Variants in GTF2H5 observed in about 807,000 individuals in gnomAD.
The protein encoded by GTF2H5 is general transcription factor IIH subunit 5.
Under a neutral mutation model 7.1 loss-of-function variants are expected in GTF2H5, and 5 were observed. The observed-to-expected ratio is 0.71, with a 90% confidence interval of 0.37 to 1.49. GTF2H5 has a LOEUF of 1.49. GTF2H5 is among the 40% of genes most tolerant of loss of function. GTF2H5 has a pLI of 0.03. For synonymous variants in GTF2H5, 30 were observed against 31.7 expected (o/e 0.95, Z 0.18); for missense variants, 80 against 83.0 (o/e 0.96, Z 0.14).
chr6:158,172,019 G>A (rs1455341135), intron 2 of GTF2H5, among the ~76,000 whole-genome samples: 2 of 150,446 alleles, frequency 1.3e-5, no homozygotes, highest in Non-Finnish European at 2.9e-5. Context: ...TAAATACAGA[G>A]GATACACATA....
Position 158,198,750 on chromosome 6 carries a change from C to CAGA in GTF2H5, c.*6593_*6594insAGA, listed in dbSNP as rs1267066385. 1.3e-5 allele frequency: 2 copies of CAGA among 152,206 alleles called. No individual in the cohort carries two copies. 9.4% of individuals were successfully genotyped at this position (152,206 alleles called of 1,614,324 possible). ...ACTCTTTCTGTTTAGATTGCAGGAG[C>CAGA]GTTCTCTCGGCTCATCTCTTGTTTT... On this transcript the variant is annotated 3_prime_UTR_variant, in exon 3 of 3. Coordinates refer to ENST00000607778, the MANE Select transcript of GTF2H5 (RefSeq NM_207118.3).
At chr6:158,182,672 A>G (rs754634635) in intron 2 of GTF2H5, among the ~76,000 whole-genome samples, 3 of 151,752 alleles carry the variant, frequency 2.0e-5, no homozygotes, top group Non-Finnish European at 4.4e-5. Context: ...CAAATCGGCT[A>G]TTGAAGCTTG....
chr6:158,169,772 A>ATATTGTATATT (rs1187068824), intron 1 of GTF2H5, among the ~76,000 whole-genome samples: 1 of 53,954 alleles, frequency 1.9e-5, no homozygotes, highest in African/African-American at 9.2e-5. Flanking sequence ...TATTATATAT[A>ATATTGTATATT]ATATATTGTA....
intron 2 of GTF2H5, among the ~76,000 whole-genome samples, chr6:158,187,010 A>G (rs547413607): frequency 7.3e-5 from 11 of 151,490 alleles, no homozygotes; most frequent in Admixed American, 7.2e-4. Context: ...TTTTGTTCTT[A>G]TTAGACGAAG....
At chr6:158,186,959 GTTTTTGTTTTGT>G (rs982205448) in intron 2 of GTF2H5, among the ~76,000 whole-genome samples, 10 of 152,004 alleles carry the variant, frequency 6.6e-5, no homozygotes, top group Admixed American at 1.3e-4. Flanking sequence ...CTTCAGAGTT[GTTTTTGTTTTGT>G]TTTGTGTTTT....
chr6:158,169,549 C>CATATAATATTT lies in GTF2H5; in HGVS notation c.-34-921_-34-920insATATAATATTT, dbSNP rs1319877644. Among the ~76,000 whole-genome samples the CATATAATATTT allele has an allele frequency of 5.7e-5, 3 of 52,620 alleles. 1 individual carries two copies. Among genetic ancestry groups the CATATAATATTT allele is most frequent in the South Asian group, 1.2e-3 (2 of 1,708 alleles). 34.5% of individuals were successfully genotyped at this position (52,620 alleles called of 152,430 possible). A position where few individuals can be genotyped will look rare whatever the true frequency, so the allele number is the denominator to read the frequency against. On this transcript the variant is annotated intron_variant, in intron 1 of 2. Transcript: ENST00000607778. ...TATACAGTATATTATATATAATATA[C>CATATAATATTT]TGTATATTATATATAATATATTGTA...
chr6:158,191,407 T>A (rs1777023458), intron 2 of GTF2H5, among the ~76,000 whole-genome samples: 1 of 152,238 alleles, frequency 6.6e-6, no homozygotes, highest in South Asian at 2.1e-4. Context: ...AATATTCTTT[T>A]ATTTTTTCCA....
In GTF2H5 at chr6:158,178,524, C is replaced by A. The variant is rs185718794; in HGVS notation, c.35+7986C>A. Among the ~76,000 whole-genome samples the A allele has an allele frequency of 1.7e-4, 25 of 148,530 alleles. No individual in the cohort carries two copies. The East Asian group carries it at 5.1e-3, about 30-fold the overall frequency. On this transcript the variant is annotated intron_variant, in intron 2 of 2. Transcript: ENST00000607778. ...CTCTCCAGCATCTGTTGTTTCCTGA[C>A]TTTTTAATGATCGCAATTCTAACTG...
At chr6:158,188,542 C>T (rs1316851295) in intron 2 of GTF2H5, among the ~76,000 whole-genome samples, 1 of 152,174 alleles carries the variant, frequency 6.6e-6, no homozygotes, top group Non-Finnish European at 1.5e-5. Flanking sequence ...TTTATGTTTC[C>T]ACCTGTGCTC....
intron 2 of GTF2H5, among the ~76,000 whole-genome samples, chr6:158,174,218 T>A (rs912968114): frequency 1.3e-5 from 2 of 152,124 alleles, no homozygotes; most frequent in African/African-American, 2.4e-5. Flanking sequence ...CTCTCCAAAT[T>A]CCAGTCCCAT....
rs1439690684 is a variant in GTF2H5 at position 158,174,134 on chromosome 6, T to A, written c.35+3596T>A. On this transcript the variant is annotated intron_variant, in intron 2 of 2. Transcript: ENST00000607778. The stretch of plus-strand genomic sequence containing the variant: ...TCGGTGGGGTCTTCTGACCTGTTGT[T>A]TACTGTCTCTCTTGTCTTGGAAACT... Among the ~76,000 whole-genome samples, 7 of 152,178 alleles carry A rather than the reference T, an allele frequency of 4.6e-5. No individual in the cohort carries two copies. In the South Asian group the frequency reaches 8.3e-4, roughly 18 times the overall value.
At position 158,176,744 on chromosome 6, in the gene GTF2H5, G is replaced by A. The variant is rs551315487; in HGVS notation, c.35+6206G>A. On this transcript the variant is annotated intron_variant, in intron 2 of 2. Coordinates refer to ENST00000607778, the MANE Select transcript of GTF2H5 (RefSeq NM_207118.3). ...CACAGCCTTCAGAGCCGAGAGCCCC[G>A]AACAGAGATTTACCCACTTATTTGT... 1.4e-4 allele frequency among the ~76,000 whole-genome samples: 22 copies of A among 152,224 alleles called. No homozygotes were observed. The South Asian group carries it at 3.1e-3, about 22-fold the overall frequency.
Position 158,193,798 on chromosome 6 carries a change from T to A in GTF2H5, c.*1641T>A, listed in dbSNP as rs902989249. ...TCACGAGGTCAGGAGATCGAGACCA[T>A]CCTGCTCGGTGAAACCCCATCTCTA... On this transcript the variant is annotated 3_prime_UTR_variant, in exon 3 of 3. Coordinates refer to ENST00000607778, the MANE Select transcript of GTF2H5 (RefSeq NM_207118.3). The A allele has an allele frequency of 1.3e-5, 2 of 151,986 alleles. No individual in the cohort carries two copies. Among genetic ancestry groups the A allele is most frequent in the Non-Finnish European group, 2.9e-5 (2 of 68,030 alleles). The allele number at this position is 151,986 out of a possible 1,614,324, so 9.4% of individuals were successfully genotyped here.
At chr6:158,184,562 G>A (rs1776873619) in intron 2 of GTF2H5, among the ~76,000 whole-genome samples, 1 of 152,116 alleles carries the variant, frequency 6.6e-6, no homozygotes, top group Non-Finnish European at 1.5e-5. Flanking sequence ...CACCTATAAT[G>A]TTCTGGGCTC....
intron 1 of GTF2H5, among the ~76,000 whole-genome samples, 179 bp downstream of exon 1, chr6:158,168,574 C>G (rs535032929): frequency 6.6e-6 from 1 of 152,228 alleles, no homozygotes; most frequent in Admixed American, 6.5e-5. Flanking sequence ...GGCAGTCCCC[C>G]CCTCGTTTAA....
Position 158,195,233 on chromosome 6 carries a change from T to C in GTF2H5, c.*3076T>C, listed in dbSNP as rs1777091394. ...TCACTGAAGCCCAGGAGTTTGAAGC[T>C]GCAGTAAGCTAAGAAGGTGCCACTG... On this transcript the variant is annotated 3_prime_UTR_variant, in exon 3 of 3. Transcript: ENST00000607778. 1 of 149,994 alleles carries C rather than the reference T, an allele frequency of 6.7e-6. No homozygotes were observed. The highest frequency in any genetic ancestry group is 1.9e-4 in the East Asian group (1 of 5,192). The allele number at this position is 149,994 out of a possible 1,614,324, so 9.3% of individuals were successfully genotyped here.
intron 2 of GTF2H5, among the ~76,000 whole-genome samples, chr6:158,190,421 C>G (rs1777007331): frequency 6.6e-6 from 1 of 152,190 alleles, no homozygotes; most frequent in Non-Finnish European, 1.5e-5. Context: ...CCACCTACAT[C>G]AAAATCATCA....
At position 158,195,327 on chromosome 6, in the gene GTF2H5, G is replaced by A. The variant is rs952165851; in HGVS notation, c.*3170G>A. 1 of 152,070 alleles carries A rather than the reference G, an allele frequency of 6.6e-6. No individual in the cohort carries two copies. The highest frequency in any genetic ancestry group is 2.4e-5 in the African/African-American group (1 of 41,410). 9.4% of individuals were successfully genotyped at this position (152,070 alleles called of 1,614,324 possible). ...AACTATGGACTGAAGTTGTGATATTGAGTGTTATATTTCTCAATAAAGGTT... is the reference window on the plus strand; with the variant it reads ...AACTATGGACTGAAGTTGTGATATTAAGTGTTATATTTCTCAATAAAGGTT... On this transcript the variant is annotated 3_prime_UTR_variant, in exon 3 of 3. Transcript: ENST00000607778.
chr6:158,175,585 A>G (rs1024499111), intron 2 of GTF2H5, among the ~76,000 whole-genome samples: 7 of 152,106 alleles, frequency 4.6e-5, no homozygotes, highest in African/African-American at 1.7e-4. Context: ...CCAACATGGT[A>G]AAACCCTGTC....
Sources: allele counts gnomAD v4.1 joint callset (sites outside exome capture counted in the v4.1 genomes callset), GRCh38; gene constraint gnomAD v4.1.1; transcripts MANE v1.5; gene names NCBI Gene and HGNC (gene_info 2026-07-23, HGNC 2026-07-21).